NHSL2: variants seen among roughly 807,000 people sequenced by gnomAD.
The protein encoded by NHSL2 is NHS like 2.
NHSL2 carries 27 observed loss-of-function variants against 53.4 expected under a neutral mutation model. The ratio of observed to expected loss-of-function variants is 0.51; its 90% CI spans 0.37 to 0.70. The LOEUF (loss-of-function observed/expected upper bound fraction) is 0.70. Among genes scored for constraint, NHSL2 ranks in the 30% least tolerant of loss-of-function variants. NHSL2 has a pLI of 0.00. For synonymous variants in NHSL2, 408 were observed against 404.1 expected, an observed-to-expected ratio of 1.01 and a Z score of -0.12; for missense variants, 892 against 980.1, an observed-to-expected ratio of 0.91 and a Z score of 1.20.
intron 1 of NHSL2, among the ~76,000 whole-genome samples, chrX:72,003,508 T>C (rs1198444787): frequency 9.0e-6 from 1 of 111,063 alleles, no homozygotes. Context: ...TAGAACTGGG[T>C]TCAACTCTCT....
chrX:72,083,154 C>G lies in NHSL2; in HGVS notation c.281-48925C>G, dbSNP rs779712834. On this transcript the variant is annotated intron_variant, in intron 1 of 7. Transcript: ENST00000633930. ...CCAGCCCCACCGTTGCTGGTTCCCC[C>G]CTACAGTGTTGGGATGAGGGTAGCC... 5.4e-5 allele frequency among the ~76,000 whole-genome samples: 6 copies of G among 111,777 alleles called. No individual in the cohort carries two copies. In the East Asian group the frequency reaches 1.1e-3, roughly 21 times the overall value.
chrX:72,135,418 G>A (rs1002679644), intron 4 of NHSL2, among the ~76,000 whole-genome samples: 4 of 111,694 alleles, frequency 3.6e-5, no homozygotes, highest in Non-Finnish European at 5.7e-5. Context: ...GCTGTAAGGG[G>A]AAGAGAAGGA....
intron 1 of NHSL2, chrX:72,131,015 C>T: frequency 1.1e-5 from 13 of 1,210,862 alleles, no homozygotes; most frequent in Non-Finnish European, 1.5e-5. Flanking sequence ...ACCTCATGGT[C>T]GGCTATGAAG....
At chrX:71,913,758 C>A (rs185668099) in intron 1 of NHSL2, among the ~76,000 whole-genome samples, 4 of 112,645 alleles carry the variant, frequency 3.6e-5, no homozygotes, top group Admixed American at 2.8e-4. Context: ...AACTTGGCTG[C>A]CACTGACTGA....
At chrX:72,116,027 C>T (rs897574682) in intron 1 of NHSL2, among the ~76,000 whole-genome samples, 1 of 111,244 alleles carries the variant, frequency 9.0e-6, no homozygotes, top group Non-Finnish European at 1.9e-5. Context: ...CTTGAGACCC[C>T]CTAGAGGAGT....
intron 1 of NHSL2, among the ~76,000 whole-genome samples, chrX:72,076,837 T>C (rs185019085): frequency 1.4e-4 from 16 of 111,915 alleles, no homozygotes; most frequent in Non-Finnish European, 2.3e-4. Context: ...TAGCAGATTT[T>C]CTATTTCAAA....
chrX:72,056,552 G>GCGCA (rs907758714), intron 1 of NHSL2, among the ~76,000 whole-genome samples: 7 of 104,527 alleles, frequency 6.7e-5, no homozygotes, highest in African/African-American at 1.7e-4. Flanking sequence ...TAACGTCTGC[G>GCGCA]CACACACACA....
At chrX:72,040,583 G>A in intron 1 of NHSL2, among the ~76,000 whole-genome samples, 1 of 111,910 alleles carries the variant, frequency 8.9e-6, no homozygotes. Flanking sequence ...ACCACAAACT[G>A]AAGTTCAAGT....
intron 1 of NHSL2, among the ~76,000 whole-genome samples, chrX:72,028,657 T>C (rs1227135463): frequency 8.9e-6 from 1 of 112,023 alleles, no homozygotes; most frequent in Non-Finnish European, 1.9e-5. Flanking sequence ...GTGCTGACAT[T>C]GTTGGCACTA....
chrX:72,096,192 G>T (rs1166244695), intron 1 of NHSL2, among the ~76,000 whole-genome samples: 1 of 111,509 alleles, frequency 9.0e-6, no homozygotes, highest in Non-Finnish European at 1.9e-5. Context: ...ACTTCTGCCT[G>T]CAATAGTGGC....
At chrX:71,979,072 C>T (rs1164142105) in intron 1 of NHSL2, among the ~76,000 whole-genome samples, 3 of 110,174 alleles carry the variant, frequency 2.7e-5, no homozygotes, top group Non-Finnish European at 5.7e-5. Flanking sequence ...TCATCCATGT[C>T]CCTACAAAGG....
At chrX:71,948,336 A>G (rs2041802819) in intron 1 of NHSL2, among the ~76,000 whole-genome samples, 2 of 111,244 alleles carry the variant, frequency 1.8e-5, no homozygotes, top group South Asian at 7.7e-4. Flanking sequence ...GTAAAATGGG[A>G]ATAATGACAC....
intron 1 of NHSL2, among the ~76,000 whole-genome samples, chrX:71,932,692 A>C (rs1267732257): frequency 8.9e-6 from 1 of 112,017 alleles, no homozygotes; most frequent in Non-Finnish European, 1.9e-5. Flanking sequence ...CAAAATAAAG[A>C]GTACATGAGT....
intron 1 of NHSL2, among the ~76,000 whole-genome samples, chrX:71,996,288 C>A (rs764801340): frequency 9.8e-5 from 11 of 112,680 alleles, no homozygotes; most frequent in Non-Finnish European, 1.7e-4. Flanking sequence ...CTTATCTTCA[C>A]CCCACATCTA....
chrX:72,104,790 G>A (rs1481859244), intron 1 of NHSL2, among the ~76,000 whole-genome samples: 1 of 111,558 alleles, frequency 9.0e-6, no homozygotes, highest in Non-Finnish European at 1.9e-5. Flanking sequence ...TGTGGCAACA[G>A]GAAAGAGTTG....
intron 1 of NHSL2, among the ~76,000 whole-genome samples, chrX:72,078,066 C>T (rs966612631): frequency 6.2e-5 from 7 of 112,660 alleles, no homozygotes; most frequent in African/African-American, 1.3e-4. Context: ...AATGAGAAAC[C>T]GTAGACTACA....
chrX:71,923,300 G>T, intron 1 of NHSL2, among the ~76,000 whole-genome samples: 1 of 111,741 alleles, frequency 8.9e-6, no homozygotes. Flanking sequence ...ATTAGAAAAA[G>T]TCCCCTTTTC....
chrX:71,962,472 C>T (rs769532468), intron 1 of NHSL2, among the ~76,000 whole-genome samples: 24 of 111,004 alleles, frequency 2.2e-4, no homozygotes, highest in Non-Finnish European at 4.3e-4. Context: ...TTTTTTATTA[C>T]TGATTCAATG....
intron 1 of NHSL2, among the ~76,000 whole-genome samples, chrX:71,995,741 A>C (rs748211768): frequency 8.9e-6 from 1 of 112,243 alleles, no homozygotes; most frequent in African/African-American, 3.2e-5. Context: ...CAAGCCAGTT[A>C]TTGCATTCTA....
Sources: gnomAD v4.1 joint callset for allele counts (sites outside exome capture counted in the v4.1 genomes callset) on GRCh38, gnomAD v4.1.1 for gene constraint, MANE v1.5 for transcripts, NCBI Gene and HGNC (gene_info 2026-07-23, HGNC 2026-07-21) for gene names.